Variants in KDM2A observed in about 807,000 individuals in gnomAD.
The protein encoded by KDM2A is lysine-specific demethylase 2A.
A neutral mutation model predicts 137.3 loss-of-function variants in KDM2A; 3 were observed. The ratio of observed to expected loss-of-function variants is 0.02; its 90% CI spans 0.01 to 0.06. The LOEUF is 0.06. KDM2A is among the 10% of genes least tolerant of loss of function. The probability of loss-of-function intolerance (pLI) is 1.00; values close to 1 mark genes in which losing one functional copy is unlikely to be tolerated. For missense variants in KDM2A, 738 were observed against 1,510.6 expected (o/e 0.49, Z 8.48); for synonymous variants, 512 against 541.5 (o/e 0.95, Z 0.76).
chr11:67,207,912 T>TGA (rs1857859630), intron 6 of KDM2A, among the ~76,000 whole-genome samples: 1 of 152,022 alleles, frequency 6.6e-6, no homozygotes, highest in African/African-American at 2.4e-5. Context: ...ATGTCTGTAG[T>TGA]TCCAGCTACT....
At chr11:67,120,967 C>T (rs549073706) in intron 1 of KDM2A, among the ~76,000 whole-genome samples, 25 of 151,642 alleles carry the variant, frequency 1.6e-4, no homozygotes, top group African/African-American at 4.4e-4. Context: ...TAGTTGTAAT[C>T]CTGTGGGGAG....
At chr11:67,136,161 T>G (rs967580657) in intron 2 of KDM2A, among the ~76,000 whole-genome samples, 12 of 152,322 alleles carry the variant, frequency 7.9e-5, no homozygotes, top group Admixed American at 7.2e-4. Flanking sequence ...TACTGTGTGC[T>G]TGGTACTGGC....
At chr11:67,246,962 T>G (rs1859236405) in intron 15 of KDM2A, among the ~76,000 whole-genome samples, 1 of 148,728 alleles carries the variant, frequency 6.7e-6, no homozygotes, top group East Asian at 2.0e-4. Context: ...TTTTGAGACA[T>G]AGCCTTGTGT....
chr11:67,217,622 T>C (rs1858210046), intron 8 of KDM2A, 109 bp from the exon 9 acceptor site: 2 of 1,077,908 alleles, frequency 1.9e-6, no homozygotes, highest in Non-Finnish European at 2.7e-6. Context: ...GGAAAATTGC[T>C]TGCCTTTCTT....
chr11:67,160,251 T>G lies in KDM2A; in HGVS notation c.43-19828T>G, dbSNP rs991358047. Among the ~76,000 whole-genome samples, 10 of 152,216 alleles carry G rather than the reference T, an allele frequency of 6.6e-5. No homozygotes were observed. In the East Asian group the frequency reaches 1.9e-3, roughly 29 times the overall value. On this transcript the variant is annotated intron_variant, in intron 2 of 20. Transcript: ENST00000529006. ...ATCAGTAGAGTTTGTCTTTGTAGCC[T>G]CGAGGGATCATTATTGATGTCTCTG... is the stretch of plus-strand genomic sequence containing the variant.
intron 2 of KDM2A, among the ~76,000 whole-genome samples, chr11:67,135,645 T>A (rs755746042): frequency 3.9e-5 from 6 of 152,220 alleles, no homozygotes; most frequent in Non-Finnish European, 5.9e-5. Flanking sequence ...TTCATAAATG[T>A]AGTGATCGTT....
At chr11:67,135,158 T>C (rs1367288149) in intron 2 of KDM2A, among the ~76,000 whole-genome samples, 1 of 151,938 alleles carries the variant, frequency 6.6e-6, no homozygotes, top group East Asian at 1.9e-4. Flanking sequence ...AACCTCCGCC[T>C]TCTGGGTTCA....
Position 67,245,276 on chromosome 11 carries a change from C to A in KDM2A, c.1651C>A (p.Pro551Thr), listed in dbSNP as rs1859171799. 6.2e-7 allele frequency: 1 copy of A among 1,613,930 alleles called. No individual in the cohort carries two copies. Among genetic ancestry groups the A allele is most frequent in the Admixed American group, 1.7e-5 (1 of 60,002 alleles). ...TATGAAACCAGCTCCACGGTTAACACCTGTGAGGCCAGCTGCTGCCTCCCC... is the reference window on the plus strand; with the variant it reads ...TATGAAACCAGCTCCACGGTTAACAACTGTGAGGCCAGCTGCTGCCTCCCC... ...HTMKPAPRLTPVRPAAASPIV... is the reference protein window; with the variant it reads ...HTMKPAPRLTTVRPAAASPIV... The change falls in exon 14 of 21, where the codon CCT becomes ACT. Residue 551 changes from proline to threonine, a missense_variant. Pro to Thr is a conservative substitution (Grantham distance 38). Transcript: ENST00000529006. This position sits in a 1 kb window ranked among gnomAD's most constrained non-coding sequence, Gnocchi z 4.1.
At chr11:67,215,991 T>C (rs746521296) in intron 8 of KDM2A, 42 bp downstream of exon 8, 1 of 1,474,796 alleles carries the variant, frequency 6.8e-7, no homozygotes, top group Admixed American at 1.7e-5. Flanking sequence ...CTGAAGTTGG[T>C]TGTATGACTT....
At chr11:67,122,497 T>C (rs1434218672) in intron 2 of KDM2A, among the ~76,000 whole-genome samples, 1 of 151,838 alleles carries the variant, frequency 6.6e-6, no homozygotes, top group Non-Finnish European at 1.5e-5. Context: ...CAGCTAATTT[T>C]TGTATTTTTA....
chr11:67,231,309 AG>A (rs1173900172), intron 11 of KDM2A, among the ~76,000 whole-genome samples: 2 of 152,194 alleles, frequency 1.3e-5, no homozygotes, highest in Non-Finnish European at 2.9e-5. Context: ...CACAGTTCAA[AG>A]ACTAGGTCCT....
rs746293805 is a variant in KDM2A, at chr11:67,252,788, G to A, written c.2863G>A (p.Val955Ile). The A allele has an allele frequency of 2.5e-6, 4 of 1,613,882 alleles. No homozygotes were observed. Among genetic ancestry groups the A allele is most frequent in the Admixed American group, 1.7e-5 (1 of 59,998 alleles). Residue 955 changes from valine (V) to isoleucine (I), a missense_variant, in exon 18 of 21, where the codon GTC (valine) becomes ATC (isoleucine). This residue lies in a region of KDM2A where 166 missense variants were observed against 324.0 expected (regional missense o/e 0.51). Transcript: ENST00000529006. Reference sequence around the variant, plus strand: ...CAGTGGCATCATCAAGAGGCAGCCAGTCAGCCTTGACCTCAGTTGGACCAA... The same window carrying A: ...CAGTGGCATCATCAAGAGGCAGCCAATCAGCCTTGACCTCAGTTGGACCAA... ...ALSGIIKRQP[V>I]SLDLSWTNIS... is the part of the protein sequence containing the mutation.
rs1454159994 is a variant in KDM2A, at chr11:67,255,606, C to T, written c.*551C>T. On this transcript the variant is annotated 3_prime_UTR_variant, in exon 21 of 21. Coordinates refer to ENST00000529006, the MANE Select transcript of KDM2A (RefSeq NM_012308.3). ...ACTGGTGCTGTTGAGATCTCCCAAACCTCACGTCCTTAACTGTGCTCTCCC... is the reference window on the plus strand; with the variant it reads ...ACTGGTGCTGTTGAGATCTCCCAAATCTCACGTCCTTAACTGTGCTCTCCC... 1 of 456,444 alleles carries T rather than the reference C, an allele frequency of 2.2e-6. No individual in the cohort carries two copies. Among genetic ancestry groups the T allele is most frequent in the East Asian group, 7.0e-5 (1 of 14,388 alleles). The allele number at this position is 456,444 out of a possible 1,614,324, so 28.3% of individuals were successfully genotyped here.
intron 5 of KDM2A, among the ~76,000 whole-genome samples, chr11:67,205,189 T>C (rs1857765755): frequency 6.6e-6 from 1 of 152,248 alleles, no homozygotes; most frequent in South Asian, 2.1e-4. Context: ...TTTTAAATTA[T>C]AGCGATCCTA....
At chr11:67,243,204 A>G in intron 13 of KDM2A, 112 bp downstream of exon 13, 1 of 713,994 alleles carries the variant, frequency 1.4e-6, no homozygotes, top group Non-Finnish European at 2.5e-6. Context: ...TGGTGCATTA[A>G]TACAAACTGA....
intron 2 of KDM2A, among the ~76,000 whole-genome samples, chr11:67,177,966 C>T (rs1857006295): frequency 6.6e-6 from 1 of 152,136 alleles, no homozygotes. Flanking sequence ...GGAACACTGT[C>T]ATATATGTGC....
intron 2 of KDM2A, among the ~76,000 whole-genome samples, chr11:67,168,308 G>A (rs192039985): frequency 9.9e-5 from 15 of 152,092 alleles, no homozygotes; most frequent in African/African-American, 3.4e-4. Flanking sequence ...GGCTTCTTAG[G>A]TGGAGCTTCC....
intron 10 of KDM2A, among the ~76,000 whole-genome samples, chr11:67,226,410 T>C (rs1858545473): frequency 6.6e-6 from 1 of 152,200 alleles, no homozygotes. Flanking sequence ...TTTTATATTT[T>C]ATGTTCACCT....
chr11:67,198,967 T>C (rs1857553206), intron 5 of KDM2A, among the ~76,000 whole-genome samples: 1 of 152,008 alleles, frequency 6.6e-6, no homozygotes, highest in Admixed American at 6.6e-5. Context: ...TTAGTAGAGA[T>C]GGAGTTTCAC....
Sources: allele counts gnomAD v4.1 joint callset (sites outside exome capture counted in the v4.1 genomes callset), GRCh38; gene constraint gnomAD v4.1.1; regional missense constraint gnomAD v4.1.1; non-coding constraint Gnocchi (gnomAD v3.1); transcripts MANE v1.5; gene names NCBI Gene and HGNC (gene_info 2026-07-23, HGNC 2026-07-21).